The following NQO1 variants were observed in gnomAD, a reference collection of about 807,000 sequenced individuals.
NQO1 encodes NAD(P)H dehydrogenase [quinone] 1.
Under a neutral mutation model 32.1 loss-of-function variants are expected in NQO1, and 30 were observed. The observed-to-expected ratio is 0.94, with a 90% CI of 0.70 to 1.27. NQO1 has a LOEUF of 1.27. Ranked by LOEUF, NQO1 falls within the 50% of genes most tolerant of loss-of-function variation. NQO1 has a pLI of 0.00. For missense variants in NQO1, 276 were observed against 331.3 expected, an observed-to-expected ratio of 0.83 and a Z score of 1.30; for synonymous variants, 109 against 119.7, an observed-to-expected ratio of 0.91 and a Z score of 0.59.
chr16:69,721,466 A>G (rs541754262), intron 1 of NQO1, among the ~76,000 whole-genome samples: 5 of 152,336 alleles, frequency 3.3e-5, no homozygotes, highest in African/African-American at 9.6e-5. Context: ...CAAACCTGCC[A>G]GCACCTTGAT....
chr16:69,713,006 AAAAG>A lies in NQO1; in HGVS notation c.519+18_519+21del. ...AGACTCCGTCTCAAAGAAAAAAAAGAAAAGAAAAGAAAATGAGGTACCTGAATTG... is the reference window on the plus strand; with the variant it reads ...AGACTCCGTCTCAAAGAAAAAAAAGAAAAAGAAAATGAGGTACCTGAATTG... On this transcript the variant is annotated intron_variant, in intron 5 of 5. Coordinates refer to ENST00000320623, the MANE Select transcript of NQO1 (RefSeq NM_000903.3). The A allele has an allele frequency of 6.3e-7, 1 of 1,591,828 alleles. No homozygotes were observed. Among genetic ancestry groups the A allele is most frequent in the Non-Finnish European group, 8.6e-7 (1 of 1,162,248 alleles).
intron 3 of NQO1, among the ~76,000 whole-genome samples, chr16:69,717,761 T>C (rs1021285917): frequency 2.6e-5 from 4 of 152,128 alleles, no homozygotes; most frequent in East Asian, 1.9e-4. Context: ...TACAGGCACA[T>C]GCCACCACGC....
At chr16:69,718,591 C>A in intron 1 of NQO1, 57 bp from the exon 2 acceptor site, 1 of 1,581,426 alleles carries the variant, frequency 6.3e-7, no homozygotes, top group Non-Finnish European at 8.6e-7. Flanking sequence ...AGCAAACCTT[C>A]AGCTACAGGG....
intron 3 of NQO1, 87 bp from the exon 4 acceptor site, chr16:69,715,164 T>A: frequency 1.1e-6 from 1 of 884,280 alleles, no homozygotes; most frequent in South Asian, 1.3e-5. Flanking sequence ...CTCCCCATGA[T>A]GGCACTGTGT....
At chr16:69,713,664 T>TG (rs1369848028) in intron 4 of NQO1, among the ~76,000 whole-genome samples, 2 of 152,106 alleles carry the variant, frequency 1.3e-5, no homozygotes, top group African/African-American at 4.8e-5. Flanking sequence ...GCTCGACCCA[T>TG]GACCCCCTTT....
At chr16:69,725,027 A>G (rs1198490660) in intron 1 of NQO1, among the ~76,000 whole-genome samples, 3 of 152,142 alleles carry the variant, frequency 2.0e-5, no homozygotes, top group Middle Eastern at 6.3e-3. Context: ...ATTGGAGGAG[A>G]GGGTGCCAGT....
Position 69,711,260 on chromosome 16 carries a change from C to T in NQO1, c.541G>A (p.Gly181Ser). ...PIQSGILHFC[G>S]FQVLEPQLTY... ...AGTTGAGGTTCTAAGACTTGGAAGC[C>T]ACAGAAATGCAGAATGCCACTCTGA... Residue 181 changes from glycine (G) to serine (S), a missense_variant, in exon 6 of 6, where the codon GGC (glycine) becomes AGC (serine). By Grantham distance (56) the Gly-to-Ser change is moderately conservative. Coordinates refer to ENST00000320623, the MANE Select transcript of NQO1 (RefSeq NM_000903.3). The T allele has an allele frequency of 6.2e-7, 1 of 1,608,574 alleles. No homozygotes were observed. Among genetic ancestry groups the T allele is most frequent in the South Asian group, 1.1e-5 (1 of 90,932 alleles).
In NQO1 at chr16:69,726,466, TTGGC is replaced by T. The variant is rs758290586; in HGVS notation, c.-31_-28del. On this transcript the variant is annotated 5_prime_UTR_variant, in exon 1 of 6. Coordinates refer to ENST00000320623, the MANE Select transcript of NQO1 (RefSeq NM_000903.3). ...GCTCTGGTGCAGTCCGGGGCGCTGA[TTGGC>T]TGGGCTCGTGGTTGCCGGGGCGACC... The T allele has an allele frequency of 3.1e-6, 5 of 1,606,660 alleles. No individual in the cohort carries two copies. In the Admixed American group the frequency reaches 5.0e-5, roughly 16 times the overall value.
Position 69,718,484 on chromosome 16 carries a change from A to C in NQO1, c.58T>G (p.Tyr20Asp). Reference protein sequence around the residue: ...LAHSERTSFNYAMKEAAAAAL... With the variant: ...LAHSERTSFNDAMKEAAAAAL... ...GCTGCAGCAGCCTCCTTCATGGCATAGTTGAAGGACGTCCTCTCTGAGTGA... is the reference window on the plus strand; with the variant it reads ...GCTGCAGCAGCCTCCTTCATGGCATCGTTGAAGGACGTCCTCTCTGAGTGA... Residue 20 changes from tyrosine to aspartate, a missense_variant, in exon 2 of 6, where the codon TAT (tyrosine) becomes GAT (aspartate). Tyr to Asp is a radical substitution (Grantham distance 160). Coordinates refer to ENST00000320623, the MANE Select transcript of NQO1 (RefSeq NM_000903.3). The C allele has an allele frequency of 6.2e-7, 1 of 1,614,152 alleles. No homozygotes were observed. Among genetic ancestry groups the C allele is most frequent in the Non-Finnish European group, 8.5e-7 (1 of 1,180,034 alleles).
intron 3 of NQO1, among the ~76,000 whole-genome samples, chr16:69,716,011 T>C (rs1282023528): frequency 2.0e-5 from 3 of 147,416 alleles, no homozygotes; most frequent in Admixed American, 6.8e-5. Flanking sequence ...TACAAAAAAA[T>C]TTAAAAATTA....
chr16:69,710,960 T>A lies in NQO1; in HGVS notation c.*16A>T. ...GATTTGATAACATGTTAGAAGGAAA[T>A]CCAGGCTAAGGAATCTCATTTTCTA... On this transcript the variant is annotated 3_prime_UTR_variant, in exon 6 of 6. Transcript: ENST00000320623. 1 of 1,598,286 alleles carries A rather than the reference T, an allele frequency of 6.3e-7. No homozygotes were observed.
chr16:69,713,501 G>A (rs1314205076), intron 4 of NQO1, among the ~76,000 whole-genome samples: 2 of 152,154 alleles, frequency 1.3e-5, no homozygotes, highest in African/African-American at 2.4e-5. Context: ...GGAAGGTCTC[G>A]AAGGGTTCCC....
At position 69,710,718 on chromosome 16, in the gene NQO1, A is replaced by G; in HGVS notation, c.*258T>C. 2 of 448,248 alleles carry G rather than the reference A, an allele frequency of 4.5e-6. No homozygotes were observed. Among genetic ancestry groups the G allele is most frequent in the Non-Finnish European group, 7.9e-6 (2 of 252,786 alleles). 27.8% of individuals were successfully genotyped at this position (448,248 alleles called of 1,614,324 possible). A position where few individuals can be genotyped will look rare whatever the true frequency, so the allele number is the denominator to read the frequency against. ...TTAAATTGTGTAGATGCCTTTAAAG[A>G]ACATTTTTCTAGCATCTTTCTACAT... On this transcript the variant is annotated 3_prime_UTR_variant, in exon 6 of 6. Coordinates refer to ENST00000320623, the MANE Select transcript of NQO1 (RefSeq NM_000903.3).
At position 69,713,079 on chromosome 16, in the gene NQO1, G is replaced by C; in HGVS notation, c.468C>G (p.Tyr156Ter). 6.2e-7 allele frequency: 1 copy of C among 1,614,156 alleles called. No homozygotes were observed. Among genetic ancestry groups the C allele is most frequent in the South Asian group, 1.1e-5 (1 of 91,072 alleles). The change falls in exon 5 of 6, where the codon TAC (tyrosine) becomes TAG (stop). Residue 156 changes from tyrosine (Y) to a stop codon, truncating the protein, a stop_gained. Coordinates refer to ENST00000320623, the MANE Select transcript of NQO1 (RefSeq NM_000903.3). LOFTEE classifies it high-confidence loss of function. Reference sequence around the variant, plus strand: ...TGTCCCCGTGGATCCCTTGCAGAGAGTACATGGAGCCACTGCCACCAGTGG... The same window carrying C: ...TGTCCCCGTGGATCCCTTGCAGAGACTACATGGAGCCACTGCCACCAGTGG... ...SITTGGSGSM[Y>*]SLQGIHGDMN...
chr16:69,709,570 G>C lies in NQO1; in HGVS notation c.*1406C>G, dbSNP rs571683372. On this transcript the variant is annotated 3_prime_UTR_variant, in exon 6 of 6. Coordinates refer to ENST00000320623, the MANE Select transcript of NQO1 (RefSeq NM_000903.3). Reference sequence around the variant, plus strand: ...AACCACCAGTGCCAGTCAGCATCTGGTAAAGGAGGTTTTCCAGCTCGGTCC... The same window carrying C: ...AACCACCAGTGCCAGTCAGCATCTGCTAAAGGAGGTTTTCCAGCTCGGTCC... 1.2e-4 allele frequency: 47 copies of C among 390,206 alleles called. 2 individuals carry two copies. The highest frequency in any genetic ancestry group is 5.8e-4 in the South Asian group (4 of 6,936). 24.2% of individuals were successfully genotyped at this position (390,206 alleles called of 1,614,324 possible).
chr16:69,718,337 CTAAT>C (rs1567632976), intron 2 of NQO1, 29 bp downstream of exon 2: 1 of 1,613,778 alleles, frequency 6.2e-7, no homozygotes, highest in Admixed American at 1.7e-5. Flanking sequence ...CCGCAAAGAA[CTAAT>C]TAAAGAGGGG....
chr16:69,714,871 C>A, intron 4 of NQO1, 93 bp downstream of exon 4: 2 of 869,302 alleles, frequency 2.3e-6, no homozygotes, highest in South Asian at 2.8e-5. Context: ...AAGAGGGAAG[C>A]TCCATCTCAA....
intron 3 of NQO1, 22 bp downstream of exon 3, chr16:69,718,101 C>A: frequency 6.2e-7 from 1 of 1,613,514 alleles, no homozygotes; most frequent in Non-Finnish European, 8.5e-7. Flanking sequence ...TCCCTGACAC[C>A]CCTTCCGATG....
In NQO1 at chr16:69,710,057, G is replaced by C. The variant is rs947759285; in HGVS notation, c.*919C>G. On this transcript the variant is annotated 3_prime_UTR_variant, in exon 6 of 6. Transcript: ENST00000320623. ...TAAAGTAGAAGATTGCAAGGGCCAG[G>C]TGTGGTGGATCACGCCTGTAATCCC... 5 of 313,746 alleles carry C rather than the reference G, an allele frequency of 1.6e-5. No individual in the cohort carries two copies. Among genetic ancestry groups the C allele is most frequent in the African/African-American group, 8.6e-5 (4 of 46,770 alleles). 19.4% of individuals were successfully genotyped at this position (313,746 alleles called of 1,614,324 possible).
Sources: allele counts gnomAD v4.1 joint callset (sites outside exome capture counted in the v4.1 genomes callset), GRCh38; gene constraint gnomAD v4.1.1; transcripts MANE v1.5; gene names NCBI Gene and HGNC (gene_info 2026-07-23, HGNC 2026-07-21).